PGM5: variants seen among roughly 807,000 people sequenced by gnomAD.
The protein encoded by PGM5 is phosphoglucomutase-like protein 5.
Under a neutral mutation model 59.2 loss-of-function variants are expected in PGM5, and 23 were observed. The ratio of observed to expected loss-of-function variants is 0.39; its 90% CI spans 0.28 to 0.55. The LOEUF is 0.55. Among genes scored for constraint, PGM5 ranks in the 20% least tolerant of loss-of-function variants. PGM5 has a pLI of 0.66. For synonymous variants in PGM5, 214 were observed against 286.0 expected (o/e 0.75, Z 2.54); for missense variants, 574 against 748.3 (o/e 0.77, Z 2.72).
At chr9:68,470,436 A>G (rs1310346558) in intron 7 of PGM5, among the ~76,000 whole-genome samples, 2 of 152,230 alleles carry the variant, frequency 1.3e-5, no homozygotes, top group African/African-American at 4.8e-5. Context: ...TTCTTCATTT[A>G]TATTTCACAT....
chr9:68,483,728 A>C, intron 8 of PGM5, 137 bp from the exon 9 acceptor site: 1 of 692,396 alleles, frequency 1.4e-6, no homozygotes, highest in East Asian at 2.7e-5. Context: ...GGTCAGATGA[A>C]AGAGGGGAGA....
chr9:68,381,117 C>A (rs1304160136), intron 2 of PGM5, among the ~76,000 whole-genome samples: 15 of 151,838 alleles, frequency 9.9e-5, no homozygotes, highest in African/African-American at 3.4e-4. Context: ...TAAAGCCAGA[C>A]AAACATATTG....
At chr9:68,446,305 C>A (rs1554684002) in intron 6 of PGM5, among the ~76,000 whole-genome samples, 1 of 152,230 alleles carries the variant, frequency 6.6e-6, no homozygotes, top group Non-Finnish European at 1.5e-5. Context: ...AATAACTATG[C>A]ATATTATATG....
intron 6 of PGM5, among the ~76,000 whole-genome samples, chr9:68,431,751 G>C (rs538463246): frequency 2.1e-3 from 319 of 152,328 alleles, no homozygotes; most frequent in Admixed American, 5.4e-3. Context: ...TCTGTGCCAA[G>C]ATTTTCCAGA....
At chr9:68,373,013 T>G (rs1410529103) in intron 1 of PGM5, among the ~76,000 whole-genome samples, 1 of 151,898 alleles carries the variant, frequency 6.6e-6, no homozygotes, top group Non-Finnish European at 1.5e-5. Context: ...ATATGAGATT[T>G]GGAGGAGACA....
intron 7 of PGM5, among the ~76,000 whole-genome samples, chr9:68,475,697 A>G (rs1554686597): frequency 6.6e-6 from 1 of 152,230 alleles, no homozygotes; most frequent in Non-Finnish European, 1.5e-5. Flanking sequence ...ATAAAAATAA[A>G]ATAAAATGAA....
intron 6 of PGM5, chr9:68,394,054 A>C (rs1357099053): frequency 6.6e-6 from 1 of 152,146 alleles, no homozygotes; most frequent in Non-Finnish European, 1.5e-5. Flanking sequence ...GTTTCAGAAC[A>C]GGTAAACATA....
chr9:68,378,804 C>T (rs1821991065), intron 2 of PGM5, among the ~76,000 whole-genome samples: 1 of 151,762 alleles, frequency 6.6e-6, no homozygotes, highest in Admixed American at 6.6e-5. Context: ...TGTTGACTTT[C>T]TCTCAAAATC....
intron 7 of PGM5, among the ~76,000 whole-genome samples, chr9:68,468,544 A>G (rs1554686028): frequency 6.6e-6 from 1 of 152,204 alleles, no homozygotes. Context: ...TCAATTCAAT[A>G]AACATTTACT....
intron 9 of PGM5, among the ~76,000 whole-genome samples, chr9:68,485,874 G>A (rs375183708): frequency 6.6e-6 from 1 of 152,304 alleles, no homozygotes; most frequent in South Asian, 2.1e-4. Context: ...TAGCTCAAGG[G>A]GGGTGATGAG....
rs571114484 is a variant in PGM5 at position 68,480,705 on chromosome 9, A to AC, written c.1295+1152_1295+1153insC. Among the ~76,000 whole-genome samples the AC allele has an allele frequency of 3.0e-4, 45 of 152,006 alleles. 1 individual carries two copies. In the South Asian group the frequency reaches 7.7e-3, roughly 26 times the overall value. Reference sequence around the variant, plus strand: ...CAGAGTGAGACTCCATCTCAAAAAAAAAAACAAAACAAAACAAAACAAAAA... The same window carrying AC: ...CAGAGTGAGACTCCATCTCAAAAAAACAAAACAAAACAAAACAAAACAAAAA... On this transcript the variant is annotated intron_variant, in intron 8 of 10. Coordinates refer to ENST00000396396, the MANE Select transcript of PGM5 (RefSeq NM_021965.4).
intron 1 of PGM5, 26 bp downstream of exon 1, chr9:68,357,414 C>CCCGCCGCG: frequency 3.2e-6 from 5 of 1,549,058 alleles, no homozygotes; most frequent in Non-Finnish European, 4.3e-6. Flanking sequence ...CCCCTCGCTT[C>CCCGCCGCG]CCGCCGCGCC....
chr9:68,454,883 C>T (rs1430281305), intron 6 of PGM5, among the ~76,000 whole-genome samples: 1 of 152,206 alleles, frequency 6.6e-6, no homozygotes, highest in East Asian at 1.9e-4. Context: ...TTCCTCGTAA[C>T]TATGTGTCAT....
intron 6 of PGM5, among the ~76,000 whole-genome samples, chr9:68,441,440 A>G (rs1388466250): frequency 6.6e-6 from 1 of 152,180 alleles, no homozygotes; most frequent in South Asian, 2.1e-4. Flanking sequence ...AGTGGGATTT[A>G]CTGGGAAAGT....
chr9:68,491,567 T>C (rs1430007257), intron 9 of PGM5, among the ~76,000 whole-genome samples: 1 of 152,254 alleles, frequency 6.6e-6, no homozygotes, highest in Non-Finnish European at 1.5e-5. Flanking sequence ...TATTGCACTA[T>C]GGCTTGTGCT....
rs546421715 is a variant in PGM5 at position 68,389,689 on chromosome 9, A to G, written c.698-1845A>G. The stretch of plus-strand genomic sequence containing the variant: ...TTTCTTTTTCTTCTAGTTGTTGGCT[A>G]TTATAAAGAAAGATACTGTGAACAT... On this transcript the variant is annotated intron_variant, in intron 4 of 10. Transcript: ENST00000396396. Among the ~76,000 whole-genome samples the G allele has an allele frequency of 2.7e-4, 41 of 152,246 alleles. No individual in the cohort carries two copies. The East Asian group carries it at 5.8e-3, about 22-fold the overall frequency.
intron 7 of PGM5, among the ~76,000 whole-genome samples, chr9:68,477,412 G>A (rs1449931159): frequency 6.6e-6 from 1 of 152,214 alleles, no homozygotes; most frequent in Non-Finnish European, 1.5e-5. Context: ...AGTTGTCAAA[G>A]ATGTTTGACT....
intron 9 of PGM5, among the ~76,000 whole-genome samples, chr9:68,492,045 C>T (rs1396372023): frequency 2.6e-5 from 4 of 152,128 alleles, no homozygotes; most frequent in African/African-American, 7.2e-5. Flanking sequence ...TAAGCATTAT[C>T]GAATGACAAC....
rs375126727 is a variant in PGM5 at position 68,465,172 on chromosome 9, C to T, written c.1123C>T (p.Arg375Cys). The T allele has an allele frequency of 8.1e-6, 13 of 1,613,178 alleles. No individual in the cohort carries two copies. Among genetic ancestry groups the T allele is most frequent in the East Asian group, 2.2e-5 (1 of 44,868 alleles). Reference protein sequence around the residue: ...RFFSNLMDSGRCNLCGEESFG... With the variant: ...RFFSNLMDSGCCNLCGEESFG... Reference sequence around the variant, plus strand: ...CTTCTCAAATCTGATGGACTCAGGACGTTGCAATCTGTGTGGGGAAGAGAG... The same window carrying T: ...CTTCTCAAATCTGATGGACTCAGGATGTTGCAATCTGTGTGGGGAAGAGAG... The change falls in exon 7 of 11, where the codon CGT becomes TGT. Residue 375 changes from arginine (R) to cysteine (C), a missense_variant. Physicochemically the swap from Arg to Cys is radical, Grantham distance 180. Transcript: ENST00000396396.
Sources: allele counts gnomAD v4.1 joint callset (sites outside exome capture counted in the v4.1 genomes callset), GRCh38; gene constraint gnomAD v4.1.1; transcripts MANE v1.5; gene names NCBI Gene and HGNC (gene_info 2026-07-23, HGNC 2026-07-21).